The following CCDC69 variants were observed in gnomAD, a reference collection of about 807,000 sequenced individuals.
The protein encoded by CCDC69 is coiled-coil domain-containing protein 69.
CCDC69 carries 38 observed loss-of-function variants against 40.3 expected under a neutral mutation model. The observed-to-expected ratio is 0.94, with a 90% CI of 0.73 to 1.24. CCDC69 has a LOEUF of 1.24. Ranked by LOEUF, CCDC69 falls within the 50% of genes most tolerant of loss-of-function variation. CCDC69 has a pLI of 0.00. For synonymous variants in CCDC69, 141 were observed against 138.9 expected (o/e 1.02, Z -0.11); for missense variants, 389 against 357.9 (o/e 1.09, Z -0.70).
intron 5 of CCDC69, among the ~76,000 whole-genome samples, chr5:151,186,887 C>A (rs73796624): frequency 6.6e-6 from 1 of 152,188 alleles, no homozygotes; most frequent in Non-Finnish European, 1.5e-5. Flanking sequence ...GGACATCTTT[C>A]GGTTCCTCAG....
At chr5:151,220,024 A>G (rs1026351733) in intron 1 of CCDC69, among the ~76,000 whole-genome samples, 5 of 152,110 alleles carry the variant, frequency 3.3e-5, no homozygotes, top group Non-Finnish European at 5.9e-5. Flanking sequence ...AGAGAAAAAA[A>G]CTGCTTTCCA....
intron 4 of CCDC69, among the ~76,000 whole-genome samples, chr5:151,189,179 T>C (rs1035395699): frequency 1.3e-5 from 2 of 152,166 alleles, no homozygotes; most frequent in African/African-American, 4.8e-5. Context: ...CCAAGAAGTA[T>C]GGGTGTTCTG....
At chr5:151,203,705 T>C (rs1752809598) in intron 2 of CCDC69, among the ~76,000 whole-genome samples, 1 of 137,842 alleles carries the variant, frequency 7.3e-6, no homozygotes, top group Non-Finnish European at 1.5e-5. Context: ...ATAGTATATA[T>C]ATTATATATA....
chr5:151,206,621 C>T (rs577106965), intron 1 of CCDC69, among the ~76,000 whole-genome samples: 1 of 152,280 alleles, frequency 6.6e-6, no homozygotes, highest in East Asian at 1.9e-4. Flanking sequence ...TGCTCTGTCG[C>T]CCAGGCTGGA....
rs1752778096 is a variant in CCDC69 at position 151,201,623 on chromosome 5, G to A, written c.190C>T (p.Leu64Phe). The change falls in exon 3 of 9, where the codon CTC becomes TTC. Residue 64 changes from leucine (L) to phenylalanine (F), a missense_variant. Transcript: ENST00000355417. Reference protein sequence around the residue: ...ERHQKDITRILQQHEEEKKKW... With the variant: ...ERHQKDITRIFQQHEEEKKKW... ...TTCTTTTCCTCCTCATGTTGCTGGA[G>A]AATTCTGGTTATATCCTTCTGGTGC... is the stretch of plus-strand genomic sequence containing the variant. 1 of 1,613,550 alleles carries A rather than the reference G, an allele frequency of 6.2e-7. No individual in the cohort carries two copies. The highest frequency in any genetic ancestry group is 8.5e-7 in the Non-Finnish European group (1 of 1,179,712).
At chr5:151,203,586 A>G (rs2113995002) in intron 2 of CCDC69, among the ~76,000 whole-genome samples, 1 of 142,718 alleles carries the variant, frequency 7.0e-6, no homozygotes, top group South Asian at 2.1e-4. Flanking sequence ...TAGTAAATAT[A>G]TATATTTATA....
chr5:151,215,263 A>G (rs1400662469), intron 1 of CCDC69, among the ~76,000 whole-genome samples: 2 of 152,176 alleles, frequency 1.3e-5, no homozygotes, highest in South Asian at 2.1e-4. Context: ...TCACAGTCCA[A>G]TGGCAAATTG....
intron 3 of CCDC69, 60 bp downstream of exon 3, chr5:151,201,522 G>C: frequency 8.7e-7 from 1 of 1,149,342 alleles, no homozygotes; most frequent in Admixed American, 1.9e-5. Context: ...CACTCACTCT[G>C]GGATTCACCA....
At position 151,223,862 on chromosome 5, in the gene CCDC69, G is replaced by A. The variant is rs1269867370; in HGVS notation, c.48+61C>T. On this transcript the variant is annotated intron_variant, in intron 1 of 8. Transcript: ENST00000355417. The stretch of plus-strand genomic sequence containing the variant: ...AGCCCGGGGCGCCGAGTCCTCTGCG[G>A]CGGAGCGATTCCGCACTCCCCTCTC... The A allele has an allele frequency of 3.9e-6, 6 of 1,531,628 alleles. No homozygotes were observed. The African/African-American group carries it at 5.7e-5, about 15-fold the overall frequency. The allele number at this position is 1,531,628 out of a possible 1,614,324, so 94.9% of individuals were successfully genotyped here.
chr5:151,219,963 C>A (rs1753111789), intron 1 of CCDC69, among the ~76,000 whole-genome samples: 1 of 152,034 alleles, frequency 6.6e-6, no homozygotes, highest in Admixed American at 6.6e-5. Context: ...GAGTAGAAAT[C>A]TGCTCGATTT....
In CCDC69 at chr5:151,186,081, G is replaced by T. The variant is rs1215250065; in HGVS notation, c.437C>A (p.Ala146Asp). Residue 146 changes from alanine (A) to aspartate (D), a missense_variant, in exon 6 of 9, where the codon GCC becomes GAC. Coordinates refer to ENST00000355417, the MANE Select transcript of CCDC69 (RefSeq NM_015621.3). Reference sequence around the variant, plus strand: ...GGACTCCTCCACCCTCTTCATTTTGGCCTGGAAAGCCTCCAGCTGTGAGGT... The same window carrying T: ...GGACTCCTCCACCCTCTTCATTTTGTCCTGGAAAGCCTCCAGCTGTGAGGT... ...RLTSQLEAFQ[A>D]KMKRVEESIL... The T allele has an allele frequency of 1.9e-6, 3 of 1,613,816 alleles. No individual in the cohort carries two copies. The highest frequency in any genetic ancestry group is 1.7e-6 in the Non-Finnish European group (2 of 1,179,952).
At chr5:151,193,280 A>G (rs773637665) in intron 4 of CCDC69, among the ~76,000 whole-genome samples, 8 of 150,908 alleles carry the variant, frequency 5.3e-5, no homozygotes, top group Non-Finnish European at 1.0e-4. Flanking sequence ...TTGGGAGGGA[A>G]AGGCCAGTGG....
chr5:151,210,166 C>T (rs905262451), intron 1 of CCDC69, among the ~76,000 whole-genome samples: 1 of 152,208 alleles, frequency 6.6e-6, no homozygotes, highest in Non-Finnish European at 1.5e-5. Flanking sequence ...AGCAGAACAT[C>T]CCTATGGATG....
intron 4 of CCDC69, among the ~76,000 whole-genome samples, chr5:151,192,120 TA>T (rs71589732): frequency 2.1e-3 from 134 of 62,716 alleles, no homozygotes; most frequent in East Asian, 0.011. Context: ...TGAAAAGAAA[TA>T]AAAAAAAAAA....
At chr5:151,203,465 C>T (rs946338981) in intron 2 of CCDC69, among the ~76,000 whole-genome samples, 2 of 150,298 alleles carry the variant, frequency 1.3e-5, no homozygotes, top group East Asian at 3.9e-4. Context: ...AGTCAAGATC[C>T]TGCCACTACA....
chr5:151,185,256 C>CCG lies in CCDC69; in HGVS notation c.615+165_615+166insCG, dbSNP rs1000657056. 8 of 683,490 alleles carry CCG rather than the reference C, an allele frequency of 1.2e-5. No homozygotes were observed. In the Admixed American group the frequency reaches 2.0e-4, roughly 17 times the overall value. The allele number at this position is 683,490 out of a possible 1,614,324, so 42.3% of individuals were successfully genotyped here. A position where few individuals can be genotyped will look rare whatever the true frequency, so the allele number is the denominator to read the frequency against. ...GATAAGGAGCCACTGCTTGACCCAG[C>CCG]CTGGCCACAGACCATGCTCAGTGGT... On this transcript the variant is annotated intron_variant, in intron 7 of 8. Transcript: ENST00000355417.
At chr5:151,221,465 C>T (rs1458561043) in intron 1 of CCDC69, among the ~76,000 whole-genome samples, 1 of 152,266 alleles carries the variant, frequency 6.6e-6, no homozygotes, top group Non-Finnish European at 1.5e-5. Flanking sequence ...CTACTGCTCC[C>T]TGGGCCAACC....
intron 1 of CCDC69, among the ~76,000 whole-genome samples, chr5:151,210,150 A>G (rs138375865): frequency 6.6e-6 from 1 of 152,350 alleles, no homozygotes; most frequent in African/African-American, 2.4e-5. Context: ...GTTAATTTTA[A>G]TGATGAGCAG....
At chr5:151,184,008 G>A (rs1766682630) in intron 8 of CCDC69, among the ~76,000 whole-genome samples, 1 of 152,160 alleles carries the variant, frequency 6.6e-6, no homozygotes, top group Non-Finnish European at 1.5e-5. Context: ...CATGATACTA[G>A]CTCTTATTTA....
Sources: allele counts gnomAD v4.1 joint callset (sites outside exome capture counted in the v4.1 genomes callset), GRCh38; gene constraint gnomAD v4.1.1; transcripts MANE v1.5; gene names NCBI Gene and HGNC (gene_info 2026-07-23, HGNC 2026-07-21).